Variants in KLK5 observed in about 807,000 individuals in gnomAD.
KLK5 encodes kallikrein related peptidase 5.
Under a neutral mutation model 24.0 loss-of-function variants are expected in KLK5, and 18 were observed. The ratio of observed to expected loss-of-function variants is 0.75; its 90% CI spans 0.52 to 1.11. The LOEUF (loss-of-function observed/expected upper bound fraction) is 1.11. KLK5 is among the 50% of genes most tolerant of loss of function. The pLI is 0.00. For missense variants in KLK5, 374 were observed against 379.2 expected, an observed-to-expected ratio of 0.99 and a Z score of 0.11; for synonymous variants, 140 against 154.0, an observed-to-expected ratio of 0.91 and a Z score of 0.67.
chr19:50,949,823 C>CA, intron 3 of KLK5, 32 bp downstream of exon 3: 1 of 1,021,904 alleles, frequency 9.8e-7, no homozygotes, highest in Non-Finnish European at 1.4e-6. Context: ...TTCCCCGTCC[C>CA]CACCAACCCT....
chr19:50,949,146 C>T (rs757274792), intron 3 of KLK5, 31 bp from the exon 4 acceptor site: 2 of 1,600,266 alleles, frequency 1.2e-6, no homozygotes, highest in Admixed American at 1.7e-5. Context: ...CACCACCAAC[C>T]CTGATCTCTA....
At chr19:50,949,739 A>ACCCCCCCTCCCCCTCCC in intron 3 of KLK5, 116 bp downstream of exon 3, 7 of 432,320 alleles carry the variant, frequency 1.6e-5, no homozygotes, top group East Asian at 8.2e-5. Context: ...GACACCCCCA[A>ACCCCCCCTCCCCCTCCC]CCCCACTTCC....
chr19:50,945,354 G>A (rs950585544), intron 5 of KLK5, among the ~76,000 whole-genome samples: 4 of 151,048 alleles, frequency 2.6e-5, no homozygotes, highest in Non-Finnish European at 1.5e-5. Flanking sequence ...TGAGGTCCAC[G>A]CGGCAGGAAG....
rs751094616 is a variant in KLK5 at position 50,948,703 on chromosome 19, G to C, written c.663C>G (p.Tyr221Ter). ...ACATGGTGTCATCTATCTGTCTCGG[G>C]TAAGCATCCTCGCACCTTTTCTGAC... ...VLSQKRCEDA[Y>*]PRQIDDTMFC... Residue 221 changes from tyrosine to a stop codon, truncating the protein, a stop_gained, in exon 5 of 6, where the codon TAC becomes TAG. Transcript: ENST00000336334. LOFTEE classifies it high-confidence loss of function. 3 of 1,614,146 alleles carry C rather than the reference G, an allele frequency of 1.9e-6. No homozygotes were observed. Among genetic ancestry groups the C allele is most frequent in the Non-Finnish European group, 2.5e-6 (3 of 1,180,038 alleles).
At chr19:50,951,097 G>C (rs2090683844) in intron 2 of KLK5, among the ~76,000 whole-genome samples, 1 of 152,018 alleles carries the variant, frequency 6.6e-6, no homozygotes, top group African/African-American at 2.4e-5. Flanking sequence ...GAAGGGCTCA[G>C]CTTAGGGGGC....
In KLK5 at chr19:50,952,817, A is replaced by G; in HGVS notation, c.-82T>C. The G allele has an allele frequency of 2.0e-6, 1 of 502,836 alleles. No homozygotes were observed. Among genetic ancestry groups the G allele is most frequent in the Non-Finnish European group, 3.5e-6 (1 of 286,746 alleles). 31.1% of individuals were successfully genotyped at this position (502,836 alleles called of 1,614,324 possible). On this transcript the variant is annotated 5_prime_UTR_variant, in exon 1 of 6. Transcript: ENST00000336334. ...GGCACTGCGCTGAGACCCAGGCACT[A>G]TAGAATTCAGAAGATAGGAGTCTAG...
intron 2 of KLK5, among the ~76,000 whole-genome samples, chr19:50,951,464 G>T (rs1469376949): frequency 6.6e-6 from 1 of 151,980 alleles, no homozygotes; most frequent in Non-Finnish European, 1.5e-5. Context: ...GTAGAGACGG[G>T]GTTCTCCATG....
intron 2 of KLK5, 28 bp downstream of exon 2, chr19:50,952,556 CA>C: frequency 6.5e-7 from 1 of 1,546,764 alleles, no homozygotes; most frequent in Non-Finnish European, 8.8e-7. Flanking sequence ...CCCAATCCCA[CA>C]ACCCTCCCAC....
rs778159846 is a variant in KLK5, at chr19:50,950,154, G to A, written c.74-38C>T. 2.8e-5 allele frequency: 44 copies of A among 1,591,496 alleles called. No homozygotes were observed. The Middle Eastern group carries it at 5.0e-4, about 18-fold the overall frequency. On this transcript the variant is annotated intron_variant, in intron 2 of 5. Transcript: ENST00000336334. ...AATGGGTTGGGCGGGGCTCAGAGGC[G>A]GGGCTTGGGCTGGGGGTGGGTTTCA...
Position 50,943,586 on chromosome 19 carries a change from C to T in KLK5, c.*45G>A, listed in dbSNP as rs769808746. ...GGTCTGAAAGGAGTGTCAGGGCTGT[C>T]CCTGCAGCAGGTGGGGATGCCGGTG... On this transcript the variant is annotated 3_prime_UTR_variant, in exon 6 of 6. Coordinates refer to ENST00000336334, the MANE Select transcript of KLK5 (RefSeq NM_012427.5). The T allele has an allele frequency of 6.3e-7, 1 of 1,575,206 alleles. No individual in the cohort carries two copies. Among genetic ancestry groups the T allele is most frequent in the Non-Finnish European group, 8.7e-7 (1 of 1,148,976 alleles).
In KLK5 at chr19:50,947,503, T is replaced by C. The variant is rs111416753; in HGVS notation, c.726+1137A>G. Among the ~76,000 whole-genome samples, 34 of 152,348 alleles carry C rather than the reference T, an allele frequency of 2.2e-4. No individual in the cohort carries two copies. The highest frequency in any genetic ancestry group is 7.5e-4 in the African/African-American group (31 of 41,596). The stretch of plus-strand genomic sequence containing the variant: ...TGTTTACTATCCTAAAACCATGTTT[T>C]ATTTTGGGGTTAACCTTTACCACTC... On this transcript the variant is annotated intron_variant, in intron 5 of 5. Transcript: ENST00000336334. The surrounding 1 kb of genome is among the most constrained non-coding windows in gnomAD (Gnocchi z 8.7).
chr19:50,949,719 C>T, intron 3 of KLK5, 136 bp downstream of exon 3: 1 of 548,724 alleles, frequency 1.8e-6, no homozygotes, highest in Non-Finnish European at 2.8e-6. Context: ...CACCAACCCT[C>T]ACCTTCCATG....
chr19:50,946,993 A>G lies in KLK5; in HGVS notation c.726+1647T>C, dbSNP rs908473491. On this transcript the variant is annotated intron_variant, in intron 5 of 5. Transcript: ENST00000336334. ...TTGTACAATTTGGGGGGAGCTTTTCATAGCCATGGGACTGGAGTACTCCTG... is the reference window on the plus strand; with the variant it reads ...TTGTACAATTTGGGGGGAGCTTTTCGTAGCCATGGGACTGGAGTACTCCTG... 2.6e-5 allele frequency among the ~76,000 whole-genome samples: 4 copies of G among 152,128 alleles called. No homozygotes were observed. In the East Asian group the frequency reaches 7.7e-4, roughly 29 times the overall value.
At position 50,948,705 on chromosome 19, in the gene KLK5, A is replaced by G. The variant is rs2090656593; in HGVS notation, c.661T>C (p.Tyr221His). 1 of 1,614,006 alleles carries G rather than the reference A, an allele frequency of 6.2e-7. No homozygotes were observed. The highest frequency in any genetic ancestry group is 1.7e-5 in the Admixed American group (1 of 59,994). ...VLSQKRCEDA[Y>H]PRQIDDTMFC... ...ATGGTGTCATCTATCTGTCTCGGGT[A>G]AGCATCCTCGCACCTTTTCTGACTT... is the stretch of plus-strand genomic sequence containing the variant. Residue 221 changes from tyrosine (Y) to histidine (H), a missense_variant, in exon 5 of 6, where the codon TAC becomes CAC. Physicochemically the swap from Tyr to His is moderately conservative, Grantham distance 83 (BLOSUM62 2). Transcript: ENST00000336334.
At position 50,943,483 on chromosome 19, in the gene KLK5, A is replaced by G. The variant is rs142508860; in HGVS notation, c.*148T>C. 4.6e-4 allele frequency: 335 copies of G among 720,640 alleles called. No homozygotes were observed. In the African/African-American group the frequency reaches 5.4e-3, roughly 12 times the overall value. 44.6% of individuals were successfully genotyped at this position (720,640 alleles called of 1,614,324 possible). A position where few individuals can be genotyped will look rare whatever the true frequency, so the allele number is the denominator to read the frequency against. On this transcript the variant is annotated 3_prime_UTR_variant, in exon 6 of 6. Coordinates refer to ENST00000336334, the MANE Select transcript of KLK5 (RefSeq NM_012427.5). ...GACACGGTCAGCCCAATGTGGGGGAAGCAGACCCTGAGTCCAGGAGACATG... is the reference window on the plus strand; with the variant it reads ...GACACGGTCAGCCCAATGTGGGGGAGGCAGACCCTGAGTCCAGGAGACATG...
Position 50,949,952 on chromosome 19 carries a change from A to G in KLK5, c.238T>C (p.Trp80Arg), listed in dbSNP as rs532324053. 5.6e-6 allele frequency: 9 copies of G among 1,613,700 alleles called. No individual in the cohort carries two copies. The South Asian group carries it at 7.7e-5, about 14-fold the overall frequency. The change falls in exon 3 of 6, where the codon TGG becomes CGG. Residue 80 changes from tryptophan (W) to arginine (R), a missense_variant. Trp to Arg is a moderately radical substitution (Grantham distance 101, BLOSUM62 -3). Transcript: ENST00000336334. ...GGCCTTAGCAACAGCGCGGCCTGCCACGGCTGGGTGTGCATATCGCAGTCG... is the reference window on the plus strand; with the variant it reads ...GGCCTTAGCAACAGCGCGGCCTGCCGCGGCTGGGTGTGCATATCGCAGTCG... ...GSDCDMHTQP[W>R]QAALLLRPNQ...
intron 5 of KLK5, 24 bp from the exon 6 acceptor site, chr19:50,943,810 G>C: frequency 6.3e-7 from 1 of 1,589,000 alleles, no homozygotes; most frequent in Non-Finnish European, 8.6e-7. Flanking sequence ...AGGGGGGCAT[G>C]AGAGAGGCAG....
rs375738873 is a variant in KLK5 at position 50,949,905 on chromosome 19, C to T, written c.285G>A (p.Ala95=). 2.1e-4 allele frequency: 334 copies of T among 1,612,818 alleles called. 1 individual carries two copies. Among genetic ancestry groups the T allele is most frequent in the Non-Finnish European group, 2.6e-4 (307 of 1,179,824 alleles). The change falls in exon 3 of 6, where the codon GCG becomes GCA. Residue 95 remains alanine, a synonymous_variant. Coordinates refer to ENST00000336334, the MANE Select transcript of KLK5 (RefSeq NM_012427.5). ...LLRPNQLYCG[A]VLVHPQWLLT... ...GCAGCCACTGTGGATGCACCAACAC[C>T]GCCCCGCAGTAGAGCTGGTTGGGCC...
chr19:50,950,133 G>T lies in KLK5; in HGVS notation c.74-17C>A. The T allele has an allele frequency of 1.2e-6, 2 of 1,605,524 alleles. No homozygotes were observed. Among genetic ancestry groups the T allele is most frequent in the Non-Finnish European group, 8.5e-7 (1 of 1,177,234 alleles). On this transcript the variant is annotated splice_polypyrimidine_tract_variant and intron_variant, in intron 2 of 5. Coordinates refer to ENST00000336334, the MANE Select transcript of KLK5 (RefSeq NM_012427.5). ...GAACATGCTCTGGGAACGGAAAATG[G>T]GTTGGGCGGGGCTCAGAGGCGGGGC...
Sources: allele counts gnomAD v4.1 joint callset (sites outside exome capture counted in the v4.1 genomes callset), GRCh38; gene constraint gnomAD v4.1.1; non-coding constraint Gnocchi (gnomAD v3.1); transcripts MANE v1.5; gene names NCBI Gene and HGNC (gene_info 2026-07-23, HGNC 2026-07-21).